The following NAP1L1 variants were observed in gnomAD, a reference collection of about 807,000 sequenced individuals.
NAP1L1 encodes nucleosome assembly protein 1 like 1.
NAP1L1 carries 9 observed loss-of-function variants against 58.9 expected under a neutral mutation model. That is an observed-to-expected ratio of 0.15 (90% CI 0.09 to 0.27). The LOEUF (loss-of-function observed/expected upper bound fraction) is 0.27. Among genes scored for constraint, NAP1L1 ranks in the 10% least tolerant of loss-of-function variants. The pLI, the probability that NAP1L1 is intolerant of heterozygous loss-of-function variation, is 1.00. For synonymous variants in NAP1L1, 130 were observed against 138.3 expected (o/e 0.94, Z 0.42); for missense variants, 302 against 458.8 (o/e 0.66, Z 3.12).
intron 11 of NAP1L1, among the ~76,000 whole-genome samples, chr12:76,051,007 A>C (rs1948800188): frequency 1.3e-5 from 2 of 151,726 alleles, no homozygotes; most frequent in African/African-American, 4.8e-5. Flanking sequence ...CAACCGAAAA[A>C]AAAAAAAAAA....
chr12:76,063,179 T>C (rs112078362), intron 4 of NAP1L1, among the ~76,000 whole-genome samples: 100 of 152,308 alleles, frequency 6.6e-4, no homozygotes, highest in African/African-American at 1.8e-3. Flanking sequence ...AAGGTATGGG[T>C]GTGGTCAAAT....
chr12:76,060,407 C>A, intron 4 of NAP1L1, 128 bp from the exon 5 acceptor site: 2 of 870,834 alleles, frequency 2.3e-6, no homozygotes, highest in East Asian at 5.0e-5. Flanking sequence ...AAGGTAGATT[C>A]AAAGTAAATA....
chr12:76,062,176 G>A (rs563398199), intron 4 of NAP1L1, among the ~76,000 whole-genome samples: 179 of 152,286 alleles, frequency 1.2e-3, no homozygotes, highest in African/African-American at 4.0e-3. Flanking sequence ...AAAGCTGCAC[G>A]GTTCAAAGCC....
chr12:76,064,043 C>T (rs1363541887), intron 4 of NAP1L1, among the ~76,000 whole-genome samples: 5 of 151,938 alleles, frequency 3.3e-5, no homozygotes, highest in Non-Finnish European at 7.4e-5. Flanking sequence ...TGATATGTAC[C>T]TGTGGCTCCC....
intron 1 of NAP1L1, among the ~76,000 whole-genome samples, chr12:76,083,473 CAAAAAAAAAA>C (rs34033928): frequency 1.1e-5 from 1 of 87,214 alleles, no homozygotes; most frequent in African/African-American, 4.5e-5. Context: ...CTTTTTTTTC[CAAAAAAAAAA>C]AAAAAAAAAA....
At chr12:76,080,918 G>C (rs1157865334) in intron 1 of NAP1L1, among the ~76,000 whole-genome samples, 1 of 152,084 alleles carries the variant, frequency 6.6e-6, no homozygotes, top group Non-Finnish European at 1.5e-5. Flanking sequence ...CACCAGGGGA[G>C]CTGGAGAGCC....
intron 13 of NAP1L1, 171 bp from the exon 14 acceptor site, chr12:76,049,421 C>T: frequency 6.5e-7 from 1 of 1,532,164 alleles, no homozygotes; most frequent in Non-Finnish European, 8.7e-7. Context: ...AAAAATTTCC[C>T]AACACAACTT....
intron 6 of NAP1L1, 81 bp from the exon 7 acceptor site, chr12:76,056,242 G>GCACAGTCA: frequency 7.2e-7 from 1 of 1,380,490 alleles, no homozygotes; most frequent in East Asian, 2.4e-5. Context: ...AAACCAAAAA[G>GCACAGTCA]CACAGTCACC....
At chr12:76,080,443 T>C (rs1247517288) in intron 1 of NAP1L1, among the ~76,000 whole-genome samples, 3 of 152,210 alleles carry the variant, frequency 2.0e-5, no homozygotes, top group African/African-American at 7.2e-5. Context: ...CATAGCAACA[T>C]GCTATACAGG....
At chr12:76,070,862 C>T (rs1037017178) in intron 2 of NAP1L1, among the ~76,000 whole-genome samples, 5 of 152,114 alleles carry the variant, frequency 3.3e-5, no homozygotes, top group African/African-American at 7.2e-5. Context: ...ACCATATAAA[C>T]GTTATGTAAA....
chr12:76,075,393 T>C (rs539644112), intron 1 of NAP1L1, among the ~76,000 whole-genome samples: 1 of 152,356 alleles, frequency 6.6e-6, no homozygotes, highest in South Asian at 2.1e-4. Context: ...AAATCCTGCA[T>C]GTGTTTACTT....
rs1043874202 is a variant in NAP1L1, at chr12:76,046,936, C to T, written c.*1493G>A. The T allele has an allele frequency of 6.6e-5, 10 of 152,376 alleles. No individual in the cohort carries two copies. Among genetic ancestry groups the T allele is most frequent in the African/African-American group, 2.4e-4 (10 of 41,404 alleles). The allele number at this position is 152,376 out of a possible 1,614,324, so 9.4% of individuals were successfully genotyped here. ...TGCTATCCCTGTAGTATTTACAATA[C>T]AGTCATCAAAAATATCTGAAAACAA... On this transcript the variant is annotated 3_prime_UTR_variant, in exon 15 of 15. Transcript: ENST00000618691.
chr12:76,080,736 A>G (rs964747005), intron 1 of NAP1L1, among the ~76,000 whole-genome samples: 1 of 152,166 alleles, frequency 6.6e-6, no homozygotes, highest in Admixed American at 6.5e-5. Flanking sequence ...TCATGCTGCT[A>G]TGGTTTGAGT....
At chr12:76,061,127 T>C (rs751583289) in intron 4 of NAP1L1, 1 of 359,462 alleles carries the variant, frequency 2.8e-6, no homozygotes, top group South Asian at 2.1e-5. Context: ...GAGATAAAGT[T>C]CATACACCAT....
chr12:76,056,556 A>G, intron 6 of NAP1L1: 1 of 449,020 alleles, frequency 2.2e-6, no homozygotes, highest in Non-Finnish European at 4.4e-6. Context: ...GCAATGCTAG[A>G]GAGGTGGAAC....
chr12:76,056,332 C>G, intron 6 of NAP1L1, 171 bp from the exon 7 acceptor site: 1 of 593,960 alleles, frequency 1.7e-6, no homozygotes, highest in East Asian at 3.2e-5. Context: ...ATCAAAATTA[C>G]TGCTACCACA....
intron 13 of NAP1L1, 59 bp from the exon 14 acceptor site, chr12:76,049,309 T>TA: frequency 6.2e-7 from 1 of 1,610,966 alleles, no homozygotes. Context: ...AACTGGCTCA[T>TA]AATGTAGGGA....
In NAP1L1 at chr12:76,074,244, G is replaced by T; in HGVS notation, c.-20-5C>A. 1 of 1,571,728 alleles carries T rather than the reference G, an allele frequency of 6.4e-7. No homozygotes were observed. Reference sequence around the variant, plus strand: ...TGTTGTAAGAACTCCAAATATCTATGGAGAGAAACATCAATGTTAAAAAAA... The same window carrying T: ...TGTTGTAAGAACTCCAAATATCTATTGAGAGAAACATCAATGTTAAAAAAA... On this transcript the variant is annotated splice_region_variant and splice_polypyrimidine_tract_variant and intron_variant, in intron 1 of 14. Transcript: ENST00000618691.
At chr12:76,074,530 A>G (rs1334300304) in intron 1 of NAP1L1, 1 of 170,966 alleles carries the variant, frequency 5.8e-6, no homozygotes, top group African/African-American at 2.4e-5. Flanking sequence ...GGTTAAAAAC[A>G]AAACTAACAT....
Sources: gnomAD v4.1 joint callset for allele counts (sites outside exome capture counted in the v4.1 genomes callset) on GRCh38, gnomAD v4.1.1 for gene constraint, MANE v1.5 for transcripts, NCBI Gene and HGNC (gene_info 2026-07-23, HGNC 2026-07-21) for gene names.